The following RSPH14 variants were observed in gnomAD, a reference collection of about 807,000 sequenced individuals.
The protein encoded by RSPH14 is rhabdoid tumor deletion region gene 1.
In RSPH14, 20 loss-of-function variants were observed where a neutral mutation model predicts 26.7. The ratio of observed to expected loss-of-function variants is 0.75; its 90% CI spans 0.53 to 1.09. RSPH14 has a LOEUF of 1.09. Ranked by LOEUF, RSPH14 falls within the 50% of genes least tolerant of loss-of-function variation. The pLI is 0.00. For synonymous variants in RSPH14, 177 were observed against 189.3 expected, an observed-to-expected ratio of 0.93 and a Z score of 0.53; for missense variants, 449 against 457.2, an observed-to-expected ratio of 0.98 and a Z score of 0.16.
At chr22:23,165,571 G>A in the RSPH14 span, among the ~76,000 whole-genome samples, 31 of 152,300 alleles carry the variant, frequency 2.0e-4, no homozygotes, top group Admixed American at 4.6e-4. Flanking sequence ...ATTGGACTTC[G>A]GGCAGAAAAA....
intron 4 of RSPH14, among the ~76,000 whole-genome samples, chr22:23,112,601 G>A (rs1274633097): frequency 6.6e-6 from 1 of 152,186 alleles, no homozygotes; most frequent in Non-Finnish European, 1.5e-5. Flanking sequence ...CTGTGGCAGG[G>A]AGACCCCCTT....
the RSPH14 span, among the ~76,000 whole-genome samples, chr22:23,175,150 C>T: frequency 6.6e-6 from 1 of 151,754 alleles, no homozygotes; most frequent in South Asian, 2.1e-4. Flanking sequence ...CGCCCACCAC[C>T]ACACCCGGCT....
At chr22:23,138,813 A>T in intron 3 of RSPH14, 27 bp downstream of exon 3, 1 of 1,538,422 alleles carries the variant, frequency 6.5e-7, no homozygotes, top group Non-Finnish European at 8.8e-7. Flanking sequence ...CGCAAGCGTC[A>T]CACTGGTTTC....
chr22:23,158,097 G>A, the RSPH14 span: 2 of 1,607,846 alleles, frequency 1.2e-6, no homozygotes, highest in Non-Finnish European at 8.5e-7. Flanking sequence ...GAAGCTGCCT[G>A]GAAGGGCTCC....
the RSPH14 span, chr22:23,159,293 C>T: frequency 6.5e-7 from 1 of 1,537,110 alleles, no homozygotes; most frequent in East Asian, 2.4e-5. Flanking sequence ...GGGCAGAGCC[C>T]TGCTCTTGGG....
chr22:23,101,175 T>A (rs1252576030), intron 4 of RSPH14, among the ~76,000 whole-genome samples: 1 of 152,184 alleles, frequency 6.6e-6, no homozygotes, highest in Admixed American at 6.5e-5. Flanking sequence ...TTATATATCC[T>A]TTAGTGTTCC....
intron 4 of RSPH14, among the ~76,000 whole-genome samples, chr22:23,121,453 C>T (rs2070021462): frequency 6.6e-6 from 1 of 152,210 alleles, no homozygotes; most frequent in Admixed American, 6.5e-5. Flanking sequence ...TTTGGGCCCA[C>T]CCTGTAGGAG....
At chr22:23,075,358 T>C (rs1440371177) in intron 4 of RSPH14, among the ~76,000 whole-genome samples, 1 of 152,178 alleles carries the variant, frequency 6.6e-6, no homozygotes, top group East Asian at 1.9e-4. Context: ...AATTCTTCAC[T>C]AAATGTCTTG....
chr22:23,121,890 TTTG>T (rs143092310), intron 4 of RSPH14, among the ~76,000 whole-genome samples: 4,819 of 151,778 alleles, frequency 0.032, 259 homozygotes, highest in African/African-American at 0.11. Flanking sequence ...CCCAGCTAAT[TTTG>T]TTGTTGTTGT....
In RSPH14 at chr22:23,091,208, G is replaced by A. The variant is rs116826338; in HGVS notation, c.422-27075C>T. Among the ~76,000 whole-genome samples the A allele has an allele frequency of 4.4e-3, 663 of 152,294 alleles. 3 individuals carry two copies. Among genetic ancestry groups the A allele is most frequent in the African/African-American group, 0.015 (608 of 41,544 alleles). On this transcript the variant is annotated intron_variant, in intron 4 of 6. Coordinates refer to ENST00000216036, the MANE Select transcript of RSPH14 (RefSeq NM_014433.3). ...CACAGACATGTACATGGATCTGCGCGTGCACATGAACAGACACATGCACAC... is the reference window on the plus strand; with the variant it reads ...CACAGACATGTACATGGATCTGCGCATGCACATGAACAGACACATGCACAC...
At chr22:23,158,841 C>T in the RSPH14 span, 4 of 1,516,910 alleles carry the variant, frequency 2.6e-6, no homozygotes, top group Non-Finnish European at 3.7e-6. Context: ...TGCCCTCTGC[C>T]CCCTGTTTGG....
intron 3 of RSPH14, among the ~76,000 whole-genome samples, chr22:23,134,694 G>A (rs969536930): frequency 6.6e-6 from 1 of 151,634 alleles, no homozygotes; most frequent in Admixed American, 6.6e-5. Context: ...GCAAAACCCC[G>A]TCTCTACTAA....
chr22:23,131,632 C>T (rs781531120), intron 4 of RSPH14: 8 of 1,304,110 alleles, frequency 6.1e-6, no homozygotes, highest in Admixed American at 2.3e-5. Flanking sequence ...CCTGTCTCCA[C>T]ACTCCAAGAA....
intron 4 of RSPH14, chr22:23,131,748 C>T: frequency 2.9e-6 from 2 of 699,720 alleles, no homozygotes; most frequent in Non-Finnish European, 4.6e-6. Flanking sequence ...CCCTAATACC[C>T]CAGGGGCTCT....
At chr22:23,077,032 C>CT (rs1299222372) in intron 4 of RSPH14, among the ~76,000 whole-genome samples, 1 of 152,200 alleles carries the variant, frequency 6.6e-6, no homozygotes, top group Non-Finnish European at 1.5e-5. Context: ...CCAAAGCATG[C>CT]TGTGCTGAAG....
intron 4 of RSPH14, among the ~76,000 whole-genome samples, chr22:23,066,296 G>A (rs1158650725): frequency 1.3e-5 from 2 of 152,142 alleles, no homozygotes; most frequent in African/African-American, 4.8e-5. Context: ...CACAAGTTAG[G>A]GGAGGAATAT....
intron 4 of RSPH14, among the ~76,000 whole-genome samples, chr22:23,076,427 G>A (rs949251996): frequency 1.6e-4 from 24 of 152,146 alleles, no homozygotes; most frequent in African/African-American, 5.3e-4. Flanking sequence ...CTGTGTGCTC[G>A]TGCGCTGCAG....
intron 4 of RSPH14, among the ~76,000 whole-genome samples, chr22:23,130,163 A>G (rs189358055): frequency 1.5e-4 from 22 of 144,840 alleles, no homozygotes; most frequent in African/African-American, 3.6e-4. Flanking sequence ...AAGAAAGAAA[A>G]AGAAAAAGAA....
chr22:23,117,273 G>A (rs1007942602), intron 4 of RSPH14, among the ~76,000 whole-genome samples: 7 of 152,140 alleles, frequency 4.6e-5, no homozygotes, highest in East Asian at 1.9e-4. Context: ...GTGCCGACAC[G>A]GTATGTTTTA....
Sources: gnomAD v4.1 joint callset for allele counts (sites outside exome capture counted in the v4.1 genomes callset) on GRCh38, gnomAD v4.1.1 for gene constraint, MANE v1.5 for transcripts, NCBI Gene and HGNC (gene_info 2026-07-23, HGNC 2026-07-21) for gene names.